NDUFAF6: variants seen among roughly 807,000 people sequenced by gnomAD.
NDUFAF6 encodes NADH:ubiquinone oxidoreductase complex assembly factor 6, also known as NADH dehydrogenase (ubiquinone) complex I, assembly factor 6.
In NDUFAF6, 45 loss-of-function variants were observed where a neutral mutation model predicts 40.8. The ratio of observed to expected loss-of-function variants is 1.10; its 90% CI spans 0.87 to 1.42. The LOEUF is 1.42. Ranked by LOEUF, NDUFAF6 falls within the 40% of genes most tolerant of loss-of-function variation. The pLI, the probability that NDUFAF6 is intolerant of heterozygous loss-of-function variation, is 0.00. For missense variants in NDUFAF6, 435 were observed against 418.5 expected (o/e 1.04, Z -0.34); for synonymous variants, 185 against 155.9 (o/e 1.19, Z -1.39).
chr8:95,003,835 T>C (rs187175209), intron 2 of NDUFAF6, among the ~76,000 whole-genome samples: 110 of 152,364 alleles, frequency 7.2e-4, no homozygotes, highest in African/African-American at 2.5e-3. Context: ...TTAACCATTT[T>C]AAGTGTGCAA....
At chr8:95,053,210 A>G (rs1359423835) in intron 8 of NDUFAF6, among the ~76,000 whole-genome samples, 1 of 152,202 alleles carries the variant, frequency 6.6e-6, no homozygotes, top group Non-Finnish European at 1.5e-5. Context: ...TAGTACATTA[A>G]TATTTTAAAT....
At chr8:94,980,462 T>TTTTTTTTTTG (rs1825337344) in intron 1 of NDUFAF6, among the ~76,000 whole-genome samples, 1 of 146,978 alleles carries the variant, frequency 6.8e-6, no homozygotes, top group Non-Finnish European at 1.5e-5. Flanking sequence ...TTTTTTTTTT[T>TTTTTTTTTTG]GAGACAGAGT....
rs71273448 is a variant in NDUFAF6, at chr8:95,053,925, C to CTTTTTT, written c.873+1717_873+1722dup. ...TACAGGTGTGAGCCACCGTGCCCGG[C>CTTTTTT]TTTTTTTTTTTTTTTTTTTTTTTTT... On this transcript the variant is annotated intron_variant, in intron 8 of 8. Coordinates refer to ENST00000396124, the MANE Select transcript of NDUFAF6 (RefSeq NM_152416.4). Among the ~76,000 whole-genome samples, 15 of 37,040 alleles carry CTTTTTT rather than the reference C, an allele frequency of 4.0e-4. 1 individual carries two copies. The highest frequency in any genetic ancestry group is 1.0e-3 in the African/African-American group (11 of 10,828). The allele number at this position is 37,040 out of a possible 152,430, so 24.3% of individuals were successfully genotyped here. A position where few individuals can be genotyped will look rare whatever the true frequency, so the allele number is the denominator to read the frequency against.
chr8:94,896,279 G>A (rs1229442888), intron 1 of NDUFAF6, among the ~76,000 whole-genome samples: 2 of 148,598 alleles, frequency 1.3e-5, no homozygotes, highest in African/African-American at 2.4e-5. Flanking sequence ...CCCCGCCGCC[G>A]CCGCCAGCGC....
rs1357527566 is a variant in NDUFAF6 at position 95,025,203 on chromosome 8, G to A, written c.195G>A (p.Leu65=). The part of the protein sequence containing the change: ...WGTDHYCLEL[L]RKRDYEGYLC... ...CTGACCACTACTGCCTGGAGCTGCT[G>A]CGGTGAGCGAGCACGACCTTCCCTG... Residue 65 remains leucine, a splice_region_variant and synonymous_variant, in exon 1 of 9, where the codon CTG becomes CTA. Transcript: ENST00000396124. The A allele has an allele frequency of 2.1e-6, 3 of 1,431,636 alleles. No homozygotes were observed. The Admixed American group carries it at 9.6e-5, about 46-fold the overall frequency. 88.7% of individuals were successfully genotyped at this position (1,431,636 alleles called of 1,614,324 possible).
rs1174053961 is a variant in NDUFAF6, at chr8:95,045,577, T to C, written c.510T>C (p.Asn170=). ...EKNLDDKAYR[N]IKELENYAEN... The stretch of plus-strand genomic sequence containing the variant: ...ATCTGGATGACAAAGCATATCGTAA[T>C]ATCAAGGAACTGGAAAATTATGCTG... Residue 170 remains asparagine (N), a synonymous_variant, in exon 5 of 9, where the codon AAT becomes AAC. Coordinates refer to ENST00000396124, the MANE Select transcript of NDUFAF6 (RefSeq NM_152416.4). 1.2e-6 allele frequency: 2 copies of C among 1,613,412 alleles called. No homozygotes were observed. Among genetic ancestry groups the C allele is most frequent in the Non-Finnish European group, 1.7e-6 (2 of 1,179,660 alleles).
intron 3 of NDUFAF6, chr8:95,036,482 T>A (rs1468513998): frequency 3.9e-6 from 5 of 1,289,350 alleles, no homozygotes; most frequent in Non-Finnish European, 5.1e-6. Context: ...GAAGAAAAAG[T>A]GGATGGGAAG....
chr8:95,053,628 TTTC>T (rs1375507018), intron 8 of NDUFAF6, among the ~76,000 whole-genome samples: 3 of 148,158 alleles, frequency 2.0e-5, no homozygotes, highest in African/African-American at 7.9e-5. Context: ...TTTCTTTTTC[TTTC>T]TTTTTTTTTT....
intron 1 of NDUFAF6, chr8:94,939,886 A>C (rs748171136): frequency 6.2e-7 from 1 of 1,613,758 alleles, no homozygotes; most frequent in South Asian, 1.1e-5. Context: ...TATGTAATTC[A>C]TCAGTCCCAC....
At chr8:94,934,871 G>C (rs1194469879) in intron 1 of NDUFAF6, among the ~76,000 whole-genome samples, 1 of 152,160 alleles carries the variant, frequency 6.6e-6, no homozygotes, top group East Asian at 1.9e-4. Flanking sequence ...TAAAGTGCCA[G>C]TTAAAGTAAC....
downstream of NDUFAF6, among the ~76,000 whole-genome samples, chr8:95,108,300 ACC>A (rs1809900452): frequency 6.6e-6 from 1 of 152,216 alleles, no homozygotes; most frequent in South Asian, 2.1e-4. Context: ...TTTGGAAACA[ACC>A]CAAATATCTA....
At chr8:94,933,209 G>A (rs1227085761) in intron 1 of NDUFAF6, among the ~76,000 whole-genome samples, 1 of 152,026 alleles carries the variant, frequency 6.6e-6, no homozygotes, top group East Asian at 1.9e-4. Context: ...GTGAGACTCC[G>A]TGTTAAAATA....
chr8:94,925,698 C>A (rs935087376), intron 1 of NDUFAF6, among the ~76,000 whole-genome samples: 1 of 152,066 alleles, frequency 6.6e-6, no homozygotes, highest in African/African-American at 2.4e-5. Context: ...CACCACCACG[C>A]TCAGCTTATT....
intron 3 of NDUFAF6, among the ~76,000 whole-genome samples, chr8:95,038,469 C>T (rs1829763990): frequency 6.6e-6 from 1 of 151,748 alleles, no homozygotes; most frequent in East Asian, 1.9e-4. Context: ...CTCCCAGGCC[C>T]GGGTAGCTGG....
intron 4 of NDUFAF6, among the ~76,000 whole-genome samples, chr8:95,042,132 T>TAA (rs549199853): frequency 3.9e-5 from 6 of 152,218 alleles, no homozygotes; most frequent in Non-Finnish European, 8.8e-5. Flanking sequence ...GATCGGTGTC[T>TAA]AAATAGTAGA....
At chr8:95,060,062 G>A (rs1401886848), downstream of NDUFAF6, among the ~76,000 whole-genome samples, 1 of 150,638 alleles carries the variant, frequency 6.6e-6, no homozygotes, top group Non-Finnish European at 1.5e-5. Flanking sequence ...CTGGATTAGT[G>A]GATTCTTTGC....
chr8:94,940,138 G>T, intron 1 of NDUFAF6: 1 of 1,614,208 alleles, frequency 6.2e-7, no homozygotes, highest in Non-Finnish European at 8.5e-7. Flanking sequence ...AACAGGAAAA[G>T]ACTGAAGGGT....
In NDUFAF6 at chr8:95,048,461, G is replaced by A. The variant is rs762620949; in HGVS notation, c.719G>A (p.Gly240Asp). The A allele has an allele frequency of 2.0e-5, 33 of 1,610,812 alleles. No individual in the cohort carries two copies. The highest frequency in any genetic ancestry group is 2.4e-5 in the Non-Finnish European group (28 of 1,177,120). The change falls in exon 7 of 9, where the codon GGT (glycine) becomes GAT (aspartate). Residue 240 changes from glycine (G) to aspartate (D), a missense_variant. Gly to Asp is a moderately conservative substitution (Grantham distance 94, BLOSUM62 -1). Coordinates refer to ENST00000396124, the MANE Select transcript of NDUFAF6 (RefSeq NM_152416.4). The part of the protein sequence containing the change: ...FLPMDICMLH[G>D]VSQEDFLRRN... Reference sequence around the variant, plus strand: ...AATGTATATTTCCCCACACAGCATGGTGTTTCACAAGAGGACTTTCTACGG... The same window carrying A: ...AATGTATATTTCCCCACACAGCATGATGTTTCACAAGAGGACTTTCTACGG...
chr8:94,975,919 C>G (rs1824872549), intron 1 of NDUFAF6: 1 of 152,216 alleles, frequency 6.6e-6, no homozygotes, highest in Non-Finnish European at 1.5e-5. Context: ...CTTAAAAATA[C>G]TGATGTTTGG....
Sources: gnomAD v4.1 joint callset for allele counts (sites outside exome capture counted in the v4.1 genomes callset) on GRCh38, gnomAD v4.1.1 for gene constraint, MANE v1.5 for transcripts, NCBI Gene and HGNC (gene_info 2026-07-23, HGNC 2026-07-21) for gene names.